The following SEC14L1 variants were observed in gnomAD, a reference collection of about 807,000 sequenced individuals.
The protein encoded by SEC14L1 is SEC14 like lipid binding 1.
Under a neutral mutation model 85.3 loss-of-function variants are expected in SEC14L1, and 48 were observed. The ratio of observed to expected loss-of-function variants is 0.56; its 90% CI spans 0.45 to 0.72. The LOEUF (loss-of-function observed/expected upper bound fraction) is 0.72. SEC14L1 is among the 30% of genes least tolerant of loss of function. The pLI, the probability that SEC14L1 is intolerant of heterozygous loss-of-function variation, is 0.00. For missense variants in SEC14L1, 682 were observed against 921.4 expected (o/e 0.74, Z 3.36); for synonymous variants, 391 against 355.5 (o/e 1.10, Z -1.12).
rs1975495369 is a variant in SEC14L1 at position 77,190,901 on chromosome 17, C to T, written c.162C>T (p.Val54=). 1 of 1,614,060 alleles carries T rather than the reference C, an allele frequency of 6.2e-7. No homozygotes were observed. The highest frequency in any genetic ancestry group is 1.3e-5 in the African/African-American group (1 of 74,910). ...AGAGCGAAGATGGGGCTATTCATGT[C>T]ATTGAAAGGCGCTGCAAGCTGGATG... ...EFKSEDGAIH[V]IERRCKLDVD... is the part of the protein sequence containing the mutation. The change falls in exon 4 of 17, where the codon GTC becomes GTT. Residue 54 remains valine, a synonymous_variant. Transcript: ENST00000436233.
At chr17:77,196,354 G>A (rs761378166) in intron 8 of SEC14L1, 43 bp downstream of exon 8, 59 of 1,144,824 alleles carry the variant, frequency 5.2e-5, no homozygotes, top group Admixed American at 1.5e-4. Context: ...CCAGAGCTAC[G>A]TGAAATCATG....
At chr17:77,141,428 C>A (rs573731877) in intron 1 of SEC14L1, 1 of 150,762 alleles carries the variant, frequency 6.6e-6, no homozygotes, top group African/African-American at 2.4e-5. Flanking sequence ...CCAGTGCCCG[C>A]CCCTCTCTCC....
intron 3 of SEC14L1, among the ~76,000 whole-genome samples, chr17:77,104,836 C>G (rs1971872312): frequency 6.8e-6 from 1 of 147,942 alleles, no homozygotes. Flanking sequence ...GTGTGTGTGT[C>G]AAGGTTGAGG....
intron 4 of SEC14L1, 47 bp from the exon 5 acceptor site, chr17:77,191,134 A>G (rs1345707499): frequency 6.3e-7 from 1 of 1,582,392 alleles, no homozygotes; most frequent in Admixed American, 1.7e-5. Context: ...CTTCTGTGCT[A>G]TTGGTTGTTA....
intron 9 of SEC14L1, among the ~76,000 whole-genome samples, chr17:77,201,716 A>G (rs1373157982): frequency 4.6e-5 from 7 of 152,154 alleles, no homozygotes; most frequent in African/African-American, 1.7e-4. Flanking sequence ...CCAAAAGTGC[A>G]GGAATTACAG....
At chr17:77,137,606 A>G (rs1972835018), upstream of SEC14L1, among the ~76,000 whole-genome samples, 3 of 148,694 alleles carry the variant, frequency 2.0e-5, no homozygotes, top group Middle Eastern at 3.5e-3. Flanking sequence ...TACATTCCTG[A>G]TCATGAGGAA....
chr17:77,188,085 ATTTAC>A (rs1032077406), intron 3 of SEC14L1, among the ~76,000 whole-genome samples: 26 of 152,206 alleles, frequency 1.7e-4, no homozygotes, highest in Non-Finnish European at 3.2e-4. Context: ...AAATTAAATT[ATTTAC>A]AAAGAATAAT....
intron 6 of SEC14L1, among the ~76,000 whole-genome samples, chr17:77,193,853 T>G (rs1975663763): frequency 6.6e-6 from 1 of 152,140 alleles, no homozygotes; most frequent in African/African-American, 2.4e-5. Context: ...GCTGCAGGAT[T>G]GGGAGGAGGC....
chr17:77,102,664 G>A lies in SEC14L1; in HGVS notation c.-136+9317G>A, dbSNP rs867642273. Reference sequence around the variant, plus strand: ...GATTACAGGCACATGCCACCACACCGAGCTAATTTTTGTATTTTTAGTAGA... The same window carrying A: ...GATTACAGGCACATGCCACCACACCAAGCTAATTTTTGTATTTTTAGTAGA... On this transcript the variant is annotated intron_variant, in intron 3 of 19. Transcript: ENST00000392476. Among the ~76,000 whole-genome samples the A allele has an allele frequency of 5.7e-4, 87 of 151,372 alleles. No homozygotes were observed. The Middle Eastern group carries it at 0.014, about 24-fold the overall frequency.
intron 3 of SEC14L1, among the ~76,000 whole-genome samples, chr17:77,099,771 A>T (rs973117729): frequency 2.0e-5 from 3 of 152,156 alleles, no homozygotes; most frequent in African/African-American, 7.2e-5. Flanking sequence ...AACAAAAAAA[A>T]TCCTAAGGTA....
At chr17:77,147,946 A>T (rs947932552) in intron 3 of SEC14L1, among the ~76,000 whole-genome samples, 1 of 152,164 alleles carries the variant, frequency 6.6e-6, no homozygotes, top group Non-Finnish European at 1.5e-5. Flanking sequence ...TCAGTGAAGG[A>T]CACTGATTGA....
At chr17:77,110,745 G>A (rs753465007) in intron 3 of SEC14L1, among the ~76,000 whole-genome samples, 2 of 151,720 alleles carry the variant, frequency 1.3e-5, no homozygotes, top group African/African-American at 2.4e-5. Context: ...TTAACTGGGC[G>A]TGTTGGCAGG....
At chr17:77,150,585 TCTTA>T (rs1448120172) in intron 3 of SEC14L1, among the ~76,000 whole-genome samples, 1 of 152,186 alleles carries the variant, frequency 6.6e-6, no homozygotes, top group African/African-American at 2.4e-5. Context: ...GACTCATATA[TCTTA>T]CTTCAGGGTG....
At position 77,206,368 on chromosome 17, in the gene SEC14L1, G is replaced by A; in HGVS notation, c.1309G>A (p.Ala437Thr). 6.2e-7 allele frequency: 1 copy of A among 1,614,122 alleles called. No homozygotes were observed. The highest frequency in any genetic ancestry group is 8.5e-7 in the Non-Finnish European group (1 of 1,180,010). ...ACTGGGCCGCCTTCTCATCCTGCGG[G>A]CGCCCAGGGTATTTCCTGTGCTCTG... ...ETLGRLLILR[A>T]PRVFPVLWTL... Residue 437 changes from alanine (A) to threonine (T), a missense_variant, in exon 12 of 17, where the codon GCG (alanine) becomes ACG (threonine). By Grantham distance (58) the Ala-to-Thr change is moderately conservative. Around this residue, in one of 3 missense-constraint regions of SEC14L1, gnomAD observed 420 missense variants for 619.5 expected, o/e 0.68. Coordinates refer to ENST00000436233, the MANE Select transcript of SEC14L1 (RefSeq NM_001143998.2). The surrounding 1 kb of genome is among the most constrained non-coding windows in gnomAD (Gnocchi z 4.3).
chr17:77,105,928 T>C (rs1230392676), intron 3 of SEC14L1, among the ~76,000 whole-genome samples: 5 of 151,986 alleles, frequency 3.3e-5, no homozygotes, highest in Non-Finnish European at 7.4e-5. Context: ...GGAGGGGATT[T>C]GTGACAGTTG....
At chr17:77,164,869 C>T (rs1408599186) in intron 3 of SEC14L1, among the ~76,000 whole-genome samples, 1 of 152,158 alleles carries the variant, frequency 6.6e-6, no homozygotes, top group Non-Finnish European at 1.5e-5. Flanking sequence ...GATGACCTCC[C>T]AGAACTGTGG....
intron 8 of SEC14L1, among the ~76,000 whole-genome samples, chr17:77,196,756 T>C (rs920402826): frequency 6.6e-6 from 1 of 152,204 alleles, no homozygotes; most frequent in African/African-American, 2.4e-5. Context: ...TAGCGAGTTA[T>C]TGGCATTATT....
At chr17:77,176,498 T>C (rs897969267) in intron 3 of SEC14L1, among the ~76,000 whole-genome samples, 2 of 152,248 alleles carry the variant, frequency 1.3e-5, no homozygotes, top group Admixed American at 6.5e-5. Flanking sequence ...CCTGCCTCTA[T>C]CAGTATGTTT....
chr17:77,213,618 A>G lies in SEC14L1; in HGVS notation c.2042+126A>G. On this transcript the variant is annotated intron_variant, in intron 16 of 16. Coordinates refer to ENST00000436233, the MANE Select transcript of SEC14L1 (RefSeq NM_001143998.2). The surrounding 1 kb of genome is among the most constrained non-coding windows in gnomAD (Gnocchi z 7.1). ...TGTCAGGAATGCTTGGAGGGCCAGGAGGGAGTGGCTTTGGGGTCATTTGTT... is the reference window on the plus strand; with the variant it reads ...TGTCAGGAATGCTTGGAGGGCCAGGGGGGAGTGGCTTTGGGGTCATTTGTT... The G allele has an allele frequency of 8.4e-7, 1 of 1,186,900 alleles. No individual in the cohort carries two copies. Among genetic ancestry groups the G allele is most frequent in the South Asian group, 1.3e-5 (1 of 77,838 alleles). The allele number at this position is 1,186,900 out of a possible 1,614,324, so 73.5% of individuals were successfully genotyped here.
Sources: allele counts gnomAD v4.1 joint callset (sites outside exome capture counted in the v4.1 genomes callset), GRCh38; gene constraint gnomAD v4.1.1; regional missense constraint gnomAD v4.1.1; non-coding constraint Gnocchi (gnomAD v3.1); transcripts MANE v1.5; gene names NCBI Gene and HGNC (gene_info 2026-07-23, HGNC 2026-07-21).